The following EXT1 variants were observed in gnomAD, a reference collection of about 807,000 sequenced individuals.
The protein encoded by EXT1 is exostosin-1.
A neutral mutation model predicts 82.5 loss-of-function variants in EXT1; 20 were observed. That is an observed-to-expected ratio of 0.24 (90% confidence interval 0.17 to 0.35). The LOEUF (loss-of-function observed/expected upper bound fraction) is 0.35, where lower values mean the gene tolerates loss of function less well. Among genes scored for constraint, EXT1 ranks in the 10% least tolerant of loss-of-function variants. The pLI, the probability that EXT1 is intolerant of heterozygous loss-of-function variation, is 1.00. For missense variants in EXT1, 757 were observed against 936.5 expected (o/e 0.81, Z 2.50); for synonymous variants, 348 against 350.8 (o/e 0.99, Z 0.09).
At chr8:117,939,398 T>C (rs1217593579) in intron 1 of EXT1, among the ~76,000 whole-genome samples, 1 of 151,978 alleles carries the variant, frequency 6.6e-6, no homozygotes, top group East Asian at 1.9e-4. Context: ...GGCGAAACCC[T>C]GTCTCTACCA....
At chr8:117,840,618 G>GAA (rs939631711) in intron 1 of EXT1, among the ~76,000 whole-genome samples, 2 of 89,684 alleles carry the variant, frequency 2.2e-5, no homozygotes, top group African/African-American at 4.1e-5. Flanking sequence ...ATCTCAAAAA[G>GAA]AAAAAAAAAA....
intron 1 of EXT1, among the ~76,000 whole-genome samples, chr8:117,865,985 G>A (rs1192801041): frequency 6.6e-6 from 1 of 152,194 alleles, no homozygotes; most frequent in Non-Finnish European, 1.5e-5. Flanking sequence ...AGTACTTTGG[G>A]AGGTCAAGGT....
intron 1 of EXT1, among the ~76,000 whole-genome samples, chr8:118,015,267 A>T (rs1413309198): frequency 6.6e-6 from 1 of 152,208 alleles, no homozygotes; most frequent in African/African-American, 2.4e-5. Context: ...AGGATTTAGA[A>T]TCCATGTTTG....
intron 1 of EXT1, among the ~76,000 whole-genome samples, chr8:117,979,119 C>A (rs918235829): frequency 1.2e-4 from 19 of 152,080 alleles, no homozygotes; most frequent in African/African-American, 4.3e-4. Context: ...CTTCAAGAGG[C>A]CGAGGCAGAC....
intron 1 of EXT1, among the ~76,000 whole-genome samples, chr8:117,885,338 T>C (rs566621118): frequency 6.6e-6 from 1 of 152,314 alleles, no homozygotes; most frequent in Non-Finnish European, 1.5e-5. Context: ...GAGATTTACA[T>C]GTAAATTTAA....
At chr8:117,901,390 A>T (rs897805655) in intron 1 of EXT1, among the ~76,000 whole-genome samples, 3 of 152,204 alleles carry the variant, frequency 2.0e-5, no homozygotes, top group Admixed American at 2.0e-4. Context: ...AACATAAAAA[A>T]TGGTACACCT....
intron 1 of EXT1, among the ~76,000 whole-genome samples, chr8:118,077,454 T>A (rs949460700): frequency 2.0e-5 from 3 of 152,144 alleles, no homozygotes; most frequent in Non-Finnish European, 4.4e-5. Flanking sequence ...AAATACTAAG[T>A]CCTTACTGCT....
At chr8:117,970,302 AC>A (rs1814911686) in intron 1 of EXT1, among the ~76,000 whole-genome samples, 1 of 149,336 alleles carries the variant, frequency 6.7e-6, no homozygotes, top group Non-Finnish European at 1.5e-5. Flanking sequence ...TCAGGAATCT[AC>A]ATTTTTTTTT....
At chr8:117,907,941 A>G (rs1194079447) in intron 1 of EXT1, among the ~76,000 whole-genome samples, 1 of 152,206 alleles carries the variant, frequency 6.6e-6, no homozygotes, top group African/African-American at 2.4e-5. Context: ...TGGCTCTGCA[A>G]TATTTTTGAA....
intron 1 of EXT1, among the ~76,000 whole-genome samples, chr8:118,050,284 C>CTTTGAGGTATT (rs1268497597): frequency 2.0e-5 from 3 of 152,200 alleles, no homozygotes; most frequent in African/African-American, 7.2e-5. Context: ...GGCTGAATAT[C>CTTTGAGGTATT]TGTGAGGTAT....
intron 1 of EXT1, among the ~76,000 whole-genome samples, chr8:117,858,818 A>C (rs563328407): frequency 6.4e-4 from 24 of 37,702 alleles, no homozygotes; most frequent in Non-Finnish European, 7.1e-4. Flanking sequence ...GGCAGGAAGG[A>C]AGGAAGGAAG....
chr8:118,056,408 G>C (rs541249676), intron 1 of EXT1, among the ~76,000 whole-genome samples: 8 of 152,316 alleles, frequency 5.3e-5, no homozygotes, highest in African/African-American at 1.7e-4. Context: ...ATTCATCAGA[G>C]AGAAGGAAAT....
chr8:117,835,849 G>C (rs1356885354), intron 2 of EXT1, among the ~76,000 whole-genome samples: 2 of 152,182 alleles, frequency 1.3e-5, no homozygotes, highest in Non-Finnish European at 2.9e-5. Context: ...CCTTGCTGGA[G>C]AAGTTTTTAT....
chr8:118,035,433 T>C (rs939988570), intron 1 of EXT1, among the ~76,000 whole-genome samples: 1 of 152,204 alleles, frequency 6.6e-6, no homozygotes, highest in Non-Finnish European at 1.5e-5. Flanking sequence ...AATTGCCTTT[T>C]TAAAAGTTCA....
In EXT1 at chr8:117,955,220, A is replaced by G. The variant is rs1426152371; in HGVS notation, c.963-118019T>C. Among the ~76,000 whole-genome samples the G allele has an allele frequency of 2.6e-5, 4 of 152,202 alleles. No homozygotes were observed. In the East Asian group the frequency reaches 5.8e-4, roughly 22 times the overall value. ...ATCCTCCCGGCATGTGGATATGGTT[A>G]TCAACCTGGAGGCTCTCCAAACCTC... On this transcript the variant is annotated intron_variant, in intron 1 of 10. Transcript: ENST00000378204.
At chr8:118,099,562 G>A (rs751697390) in intron 1 of EXT1, among the ~76,000 whole-genome samples, 24 of 152,178 alleles carry the variant, frequency 1.6e-4, no homozygotes, top group Non-Finnish European at 2.9e-4. Flanking sequence ...AAAGCAGTAC[G>A]GTGCTGTGGT....
intron 9 of EXT1, among the ~76,000 whole-genome samples, chr8:117,805,364 T>A (rs1373035813): frequency 6.6e-6 from 1 of 152,188 alleles, no homozygotes; most frequent in East Asian, 1.9e-4. Flanking sequence ...ATCCCTTGAC[T>A]CTGAGTCCAA....
chr8:118,070,109 A>G (rs1817061923), intron 1 of EXT1, among the ~76,000 whole-genome samples: 1 of 152,230 alleles, frequency 6.6e-6, no homozygotes, highest in South Asian at 2.1e-4. Context: ...AATTTGATTT[A>G]TACAGTAATG....
chr8:117,895,061 G>A (rs1426953724), intron 1 of EXT1, among the ~76,000 whole-genome samples: 2 of 152,164 alleles, frequency 1.3e-5, no homozygotes, highest in Non-Finnish European at 2.9e-5. Flanking sequence ...CCTCTGATGG[G>A]TGAACTAATA....
Sources: gnomAD v4.1 joint callset for allele counts (sites outside exome capture counted in the v4.1 genomes callset) on GRCh38, gnomAD v4.1.1 for gene constraint, MANE v1.5 for transcripts, NCBI Gene and HGNC (gene_info 2026-07-23, HGNC 2026-07-21) for gene names.